PPP2R2B: variants seen among roughly 807,000 people sequenced by gnomAD.
PPP2R2B encodes protein phosphatase 2 regulatory subunit Bbeta.
A neutral mutation model predicts 46.0 loss-of-function variants in PPP2R2B; 5 were observed. That is an observed-to-expected ratio of 0.11 (90% confidence interval 0.06 to 0.23). The LOEUF (loss-of-function observed/expected upper bound fraction) is 0.23. Ranked by LOEUF, PPP2R2B falls within the 10% of genes least tolerant of loss-of-function variation. PPP2R2B has a pLI of 1.00. For missense variants in PPP2R2B, 367 were observed against 575.0 expected, an observed-to-expected ratio of 0.64 and a Z score of 3.70; for synonymous variants, 215 against 206.7, an observed-to-expected ratio of 1.04 and a Z score of -0.34.
At chr5:146,903,713 C>G (rs887446394) in intron 1 of PPP2R2B, among the ~76,000 whole-genome samples, 8 of 152,084 alleles carry the variant, frequency 5.3e-5, no homozygotes, top group African/African-American at 1.7e-4. Flanking sequence ...AACCACTGTT[C>G]TAATGCTTAA....
intron 1 of PPP2R2B, among the ~76,000 whole-genome samples, chr5:147,008,598 C>G (rs1754563189): frequency 6.6e-6 from 1 of 152,112 alleles, no homozygotes; most frequent in African/African-American, 2.4e-5. Context: ...CATGCTTCTT[C>G]ATATCAAAAT....
At chr5:146,831,167 C>CT (rs1190727277) in intron 2 of PPP2R2B, among the ~76,000 whole-genome samples, 1 of 151,944 alleles carries the variant, frequency 6.6e-6, no homozygotes, top group Non-Finnish European at 1.5e-5. Flanking sequence ...GAGTGTACTC[C>CT]TTCTGCTTAT....
intron 2 of PPP2R2B, among the ~76,000 whole-genome samples, chr5:147,075,229 C>A (rs1757729068): frequency 6.6e-6 from 1 of 152,072 alleles, no homozygotes. Context: ...ATGAAATATG[C>A]CTGCTAAGCA....
chr5:146,691,284 A>C, intron 4 of PPP2R2B, 44 bp from the exon 5 acceptor site: 1 of 1,554,084 alleles, frequency 6.4e-7, no homozygotes, highest in Non-Finnish European at 8.9e-7. Flanking sequence ...AGTGAAAAGC[A>C]AGCTCATAAG....
intron 1 of PPP2R2B, among the ~76,000 whole-genome samples, chr5:147,036,255 A>G (rs1228702068): frequency 1.3e-5 from 2 of 152,188 alleles, no homozygotes; most frequent in Admixed American, 6.5e-5. Context: ...TATAAGACAT[A>G]ACATGCAGTA....
intron 2 of PPP2R2B, among the ~76,000 whole-genome samples, chr5:146,708,457 G>A (rs912996643): frequency 2.0e-5 from 3 of 151,084 alleles, no homozygotes; most frequent in Non-Finnish European, 4.4e-5. Flanking sequence ...CACTTTTTGT[G>A]GCATCCAGTT....
intron 2 of PPP2R2B, among the ~76,000 whole-genome samples, chr5:146,782,266 A>G (rs1755577856): frequency 6.6e-6 from 1 of 152,220 alleles, no homozygotes; most frequent in African/African-American, 2.4e-5. Flanking sequence ...ACGATCTATT[A>G]CATTATCCAT....
intron 2 of PPP2R2B, among the ~76,000 whole-genome samples, chr5:146,721,268 T>A (rs1780781520): frequency 6.6e-6 from 1 of 152,240 alleles, no homozygotes; most frequent in South Asian, 2.1e-4. Flanking sequence ...TTAATTAATT[T>A]ATGTTTCTAA....
intron 1 of PPP2R2B, among the ~76,000 whole-genome samples, chr5:146,989,718 T>A (rs1289113114): frequency 6.6e-6 from 1 of 152,074 alleles, no homozygotes; most frequent in Non-Finnish European, 1.5e-5. Context: ...TACCACTTTA[T>A]TTGACATAGT....
At chr5:146,604,708 G>T (rs74584411) in intron 7 of PPP2R2B, among the ~76,000 whole-genome samples, 1 of 152,254 alleles carries the variant, frequency 6.6e-6, no homozygotes, top group South Asian at 2.1e-4. Flanking sequence ...TCTAAGGAAG[G>T]TACTATCACT....
chr5:146,886,258 G>A (rs1762321149), intron 1 of PPP2R2B, among the ~76,000 whole-genome samples: 1 of 152,032 alleles, frequency 6.6e-6, no homozygotes, highest in Admixed American at 6.6e-5. Flanking sequence ...AGAACGGTGT[G>A]AACCCAGGAG....
chr5:147,027,444 C>T (rs371639158), intron 1 of PPP2R2B, among the ~76,000 whole-genome samples: 6 of 152,110 alleles, frequency 3.9e-5, no homozygotes, highest in African/African-American at 1.4e-4. Context: ...ACCATCCTGG[C>T]CAACATGGTG....
chr5:146,870,008 A>C (rs1411163018), intron 2 of PPP2R2B, among the ~76,000 whole-genome samples: 1 of 152,194 alleles, frequency 6.6e-6, no homozygotes, highest in Non-Finnish European at 1.5e-5. Flanking sequence ...AACTCTCAGC[A>C]GCATCTTGCT....
At chr5:146,832,377 A>ATATTT (rs1443028400) in intron 2 of PPP2R2B, among the ~76,000 whole-genome samples, 7 of 104,296 alleles carry the variant, frequency 6.7e-5, no homozygotes, top group African/African-American at 1.8e-4. Context: ...GCCATTTTTA[A>ATATTT]TCTTTTTTTT....
chr5:146,608,663 C>G (rs183356552), intron 7 of PPP2R2B, among the ~76,000 whole-genome samples: 3 of 152,028 alleles, frequency 2.0e-5, no homozygotes, highest in Admixed American at 6.6e-5. Flanking sequence ...GGCATAGTGG[C>G]GCATGCCTAT....
intron 2 of PPP2R2B, among the ~76,000 whole-genome samples, chr5:146,877,004 T>A (rs1325551713): frequency 6.6e-6 from 1 of 152,240 alleles, no homozygotes; most frequent in Non-Finnish European, 1.5e-5. Flanking sequence ...AACATTGTCC[T>A]AAAGCATTTC....
At chr5:146,952,229 A>G (rs1393282258) in intron 1 of PPP2R2B, among the ~76,000 whole-genome samples, 1 of 152,034 alleles carries the variant, frequency 6.6e-6, no homozygotes, top group Non-Finnish European at 1.5e-5. Flanking sequence ...GGGATGACCA[A>G]GTCCTTTGTA....
chr5:146,955,977 C>T (rs1186599637), intron 1 of PPP2R2B, among the ~76,000 whole-genome samples: 6 of 151,806 alleles, frequency 4.0e-5, no homozygotes, highest in Middle Eastern at 3.4e-3. Flanking sequence ...TGGGGTTTCA[C>T]CACGTTGGTC....
Position 146,580,912 on chromosome 5 carries a change from T to C in PPP2R2B, c.*9035A>G, listed in dbSNP as rs544318495. 7.5e-4 allele frequency among the ~76,000 whole-genome samples: 114 copies of C among 152,298 alleles called. No individual in the cohort carries two copies. The highest frequency in any genetic ancestry group is 1.4e-3 in the Non-Finnish European group (92 of 68,010). Reference sequence around the variant, plus strand: ...CAAAGTGAAGAGCTTCTTTGAGTCATGATCCATGCCTGAAATGGTATTTCA... The same window carrying C: ...CAAAGTGAAGAGCTTCTTTGAGTCACGATCCATGCCTGAAATGGTATTTCA... On this transcript the variant is annotated 3_prime_UTR_variant, in exon 10 of 10. Coordinates refer to ENST00000394411, the MANE Select transcript of PPP2R2B (RefSeq NM_181675.4).
Sources: gnomAD v4.1 joint callset for allele counts (sites outside exome capture counted in the v4.1 genomes callset) on GRCh38, gnomAD v4.1.1 for gene constraint, MANE v1.5 for transcripts, NCBI Gene and HGNC (gene_info 2026-07-23, HGNC 2026-07-21) for gene names.